Variants in ECT2L observed in about 807,000 individuals in gnomAD.
The protein encoded by ECT2L is epithelial cell transforming 2 like.
ECT2L carries 126 observed loss-of-function variants against 122.8 expected under a neutral mutation model. The ratio of observed to expected loss-of-function variants is 1.03; its 90% CI spans 0.89 to 1.19. The LOEUF is 1.19. Ranked by LOEUF, ECT2L falls within the 50% of genes most tolerant of loss-of-function variation. The probability of loss-of-function intolerance (pLI) is 0.00; values close to 1 mark genes in which losing one functional copy is unlikely to be tolerated. For synonymous variants in ECT2L, 385 were observed against 381.8 expected (o/e 1.01, Z -0.10); for missense variants, 1,012 against 1,064.1 (o/e 0.95, Z 0.68).
intron 1 of ECT2L, among the ~76,000 whole-genome samples, chr6:138,806,511 C>CTTT (rs57786220): frequency 0.028 from 2,543 of 89,462 alleles, 190 homozygotes; most frequent in Non-Finnish European, 0.04. Flanking sequence ...AAAATTCACG[C>CTTT]TTTTTTTTTT....
At chr6:138,808,809 C>T (rs544044144) in intron 1 of ECT2L, among the ~76,000 whole-genome samples, 15 of 151,242 alleles carry the variant, frequency 9.9e-5, no homozygotes, top group Non-Finnish European at 1.8e-4. Flanking sequence ...TCGCTGCAAC[C>T]TCCGCCTCCC....
At chr6:138,899,111 T>G (rs927801611) in intron 20 of ECT2L, among the ~76,000 whole-genome samples, 2 of 151,488 alleles carry the variant, frequency 1.3e-5, no homozygotes, top group East Asian at 3.9e-4. Context: ...TTTGTTTCTA[T>G]GTAAGAAATC....
intron 20 of ECT2L, among the ~76,000 whole-genome samples, chr6:138,891,651 A>G (rs1471108777): frequency 6.6e-6 from 1 of 152,202 alleles, no homozygotes; most frequent in Admixed American, 6.5e-5. Flanking sequence ...AAATGAATGT[A>G]TACCTTACAT....
chr6:138,881,249 T>G, intron 15 of ECT2L, 78 bp downstream of exon 15: 1 of 1,388,702 alleles, frequency 7.2e-7, no homozygotes, highest in Non-Finnish European at 9.9e-7. Flanking sequence ...TCAAAAGCAG[T>G]ATGGAGGTGC....
intron 1 of ECT2L, among the ~76,000 whole-genome samples, chr6:138,811,782 G>A (rs1425449750): frequency 3.9e-5 from 6 of 152,254 alleles, no homozygotes; most frequent in South Asian, 2.1e-4. Flanking sequence ...CGGTTCAAGC[G>A]ATTCTCCTGC....
intron 14 of ECT2L, among the ~76,000 whole-genome samples, 183 bp from the exon 15 acceptor site, chr6:138,880,774 T>A (rs1335783188): frequency 6.6e-6 from 1 of 152,142 alleles, no homozygotes; most frequent in Non-Finnish European, 1.5e-5. Context: ...GCTGGCCCCA[T>A]ATGAGGGGCT....
At chr6:138,823,437 C>T (rs561625827) in intron 4 of ECT2L, 1 of 1,607,940 alleles carries the variant, frequency 6.2e-7, no homozygotes, top group East Asian at 2.2e-5. Context: ...CATGAAGATG[C>T]CAAACATTAA....
intron 20 of ECT2L, among the ~76,000 whole-genome samples, chr6:138,891,669 T>C (rs1254427582): frequency 1.3e-5 from 2 of 152,212 alleles, no homozygotes; most frequent in Non-Finnish European, 2.9e-5. Flanking sequence ...CATATATTGA[T>C]TGATGTTTGC....
intron 18 of ECT2L, 58 bp downstream of exon 18, chr6:138,885,888 T>A (rs1163475240): frequency 2.0e-6 from 3 of 1,531,702 alleles, no homozygotes; most frequent in East Asian, 4.5e-5. Flanking sequence ...TTTGTGGTAC[T>A]CCCACTCAAA....
chr6:138,889,523 T>G (rs2128410894), intron 20 of ECT2L, among the ~76,000 whole-genome samples: 1 of 152,302 alleles, frequency 6.6e-6, no homozygotes, highest in East Asian at 1.9e-4. Flanking sequence ...TTTCACCATG[T>G]TGGCCAGGTT....
At chr6:138,838,927 G>A (rs113934742) in intron 5 of ECT2L, among the ~76,000 whole-genome samples, 4,912 of 152,124 alleles carry the variant, frequency 0.032, 115 homozygotes, top group Middle Eastern at 0.092. Flanking sequence ...GATTACAGGC[G>A]CGTGCCACCA....
At chr6:138,897,597 A>C (rs984836171) in intron 20 of ECT2L, among the ~76,000 whole-genome samples, 17 of 152,152 alleles carry the variant, frequency 1.1e-4, no homozygotes, top group African/African-American at 3.9e-4. Context: ...TCTGTGGATA[A>C]ACATTGTTGG....
intron 20 of ECT2L, among the ~76,000 whole-genome samples, chr6:138,894,270 T>G (rs1779137169): frequency 6.6e-6 from 1 of 152,004 alleles, no homozygotes; most frequent in Non-Finnish European, 1.5e-5. Flanking sequence ...TTGGCCAGGA[T>G]GGTCTCAATC....
At chr6:138,831,697 G>T (rs1776652690) in intron 4 of ECT2L, among the ~76,000 whole-genome samples, 1 of 152,056 alleles carries the variant, frequency 6.6e-6, no homozygotes, top group African/African-American at 2.4e-5. Context: ...CATACTGTAG[G>T]CTCCATAAAG....
At chr6:138,840,223 G>A (rs190955579) in intron 5 of ECT2L, among the ~76,000 whole-genome samples, 29 of 152,244 alleles carry the variant, frequency 1.9e-4, no homozygotes, top group African/African-American at 7.0e-4. Flanking sequence ...AAGAGGAGGG[G>A]TTGGTCTTGC....
intron 4 of ECT2L, among the ~76,000 whole-genome samples, chr6:138,817,771 C>A (rs1241591264): frequency 6.6e-6 from 1 of 152,212 alleles, no homozygotes; most frequent in Non-Finnish European, 1.5e-5. Context: ...AACCATCCCT[C>A]TGGCAAACTA....
chr6:138,893,406 T>G lies in ECT2L; in HGVS notation c.2414+4375T>G, dbSNP rs556646322. 1.7e-3 allele frequency among the ~76,000 whole-genome samples: 249 copies of G among 145,256 alleles called. 1 individual carries two copies. The Middle Eastern group carries it at 0.038, about 22-fold the overall frequency. On this transcript the variant is annotated intron_variant, in intron 20 of 21. Transcript: ENST00000541398. ...TTCTCCTCTCCACCATGTAAGAATA[T>G]ATATATATTTTTTTATTTTTATTTT...
chr6:138,841,381 G>A (rs1401424448), intron 5 of ECT2L, among the ~76,000 whole-genome samples: 1 of 152,174 alleles, frequency 6.6e-6, no homozygotes, highest in Non-Finnish European at 1.5e-5. Flanking sequence ...ATTTACTTTT[G>A]CTTCTGGCAC....
intron 14 of ECT2L, among the ~76,000 whole-genome samples, chr6:138,880,616 A>G (rs199833670): frequency 1.3e-5 from 2 of 152,362 alleles, no homozygotes; most frequent in East Asian, 3.9e-4. Flanking sequence ...CCATGAAGAC[A>G]GGACTCTGTC....
Sources: gnomAD v4.1 joint callset for allele counts (sites outside exome capture counted in the v4.1 genomes callset) on GRCh38, gnomAD v4.1.1 for gene constraint, MANE v1.5 for transcripts, NCBI Gene and HGNC (gene_info 2026-07-23, HGNC 2026-07-21) for gene names.